ECHDC1: variants seen among roughly 807,000 people sequenced by gnomAD.
The protein encoded by ECHDC1 is ethylmalonyl-CoA decarboxylase.
A neutral mutation model predicts 29.7 loss-of-function variants in ECHDC1; 29 were observed. The ratio of observed to expected loss-of-function variants is 0.98; its 90% CI spans 0.73 to 1.33. The LOEUF is 1.33. Ranked by LOEUF, ECHDC1 falls within the 40% of genes most tolerant of loss-of-function variation. The pLI, the probability that ECHDC1 is intolerant of heterozygous loss-of-function variation, is 0.00. For missense variants in ECHDC1, 328 were observed against 350.0 expected, an observed-to-expected ratio of 0.94 and a Z score of 0.50; for synonymous variants, 126 against 123.1, an observed-to-expected ratio of 1.02 and a Z score of -0.15.
chr6:127,314,445 G>A (rs1319608214), intron 5 of ECHDC1, among the ~76,000 whole-genome samples: 3 of 152,200 alleles, frequency 2.0e-5, no homozygotes. Context: ...AGCTACAGCA[G>A]TCTCTCTTTC....
chr6:127,303,373 C>T (rs914742253), intron 5 of ECHDC1, among the ~76,000 whole-genome samples: 11 of 152,158 alleles, frequency 7.2e-5, no homozygotes, highest in African/African-American at 2.7e-4. Context: ...ATTCAAAGTG[C>T]TAATCCAGTG....
intron 1 of ECHDC1, among the ~76,000 whole-genome samples, chr6:127,340,826 C>T (rs1784875966): frequency 6.6e-6 from 1 of 151,408 alleles, no homozygotes; most frequent in Non-Finnish European, 1.5e-5. Flanking sequence ...GGAGGAGGGA[C>T]TTATAAAAGC....
chr6:127,314,434 C>G (rs1020296725), intron 5 of ECHDC1, among the ~76,000 whole-genome samples: 4 of 152,068 alleles, frequency 2.6e-5, no homozygotes, highest in African/African-American at 9.7e-5. Flanking sequence ...GGTGAGAAGA[C>G]AGCTACAGCA....
chr6:127,337,506 T>C (rs952278960), intron 1 of ECHDC1, among the ~76,000 whole-genome samples: 1 of 152,200 alleles, frequency 6.6e-6, no homozygotes, highest in Non-Finnish European at 1.5e-5. Flanking sequence ...CTTTAAGTTG[T>C]CCCTCCTTTC....
intron 3 of ECHDC1, among the ~76,000 whole-genome samples, chr6:127,321,098 A>G (rs1396332833): frequency 1.3e-5 from 2 of 152,200 alleles, no homozygotes; most frequent in Admixed American, 6.5e-5. Flanking sequence ...ATGATAAAAA[A>G]GCCACTTAAT....
intron 3 of ECHDC1, among the ~76,000 whole-genome samples, chr6:127,323,561 C>G (rs1019659761): frequency 6.6e-6 from 1 of 152,088 alleles, no homozygotes; most frequent in Non-Finnish European, 1.5e-5. Flanking sequence ...CTATACTCCT[C>G]ATTTATAGAC....
rs555859029 is a variant in ECHDC1 at position 127,306,860 on chromosome 6, G to C, written c.497+7956C>G. Among the ~76,000 whole-genome samples the C allele has an allele frequency of 5.9e-5, 9 of 152,292 alleles. No homozygotes were observed. In the South Asian group the frequency reaches 1.9e-3, roughly 32 times the overall value. On this transcript the variant is annotated intron_variant, in intron 5 of 5. Coordinates refer to ENST00000454859, the MANE Select transcript of ECHDC1 (RefSeq NM_001002030.2). ...GATATTCATGCAATATTTCCTCCAAGAGCTGGAGAATACACATTCTTTTCC... is the reference window on the plus strand; with the variant it reads ...GATATTCATGCAATATTTCCTCCAACAGCTGGAGAATACACATTCTTTTCC...
intron 1 of ECHDC1, chr6:127,331,910 TTC>T: frequency 1.0e-6 from 1 of 982,294 alleles, no homozygotes; most frequent in Non-Finnish European, 1.2e-6. Flanking sequence ...TGTGTGGTTT[TTC>T]TGTTCCCCAA....
chr6:127,291,590 T>A (rs1339356564), intron 5 of ECHDC1, among the ~76,000 whole-genome samples: 1 of 152,302 alleles, frequency 6.6e-6, no homozygotes, highest in East Asian at 1.9e-4. Flanking sequence ...TTAGCTTTAC[T>A]AAATAAACGC....
intron 3 of ECHDC1, 43 bp downstream of exon 3, chr6:127,326,959 A>C: frequency 6.3e-7 from 1 of 1,585,184 alleles, no homozygotes; most frequent in Non-Finnish European, 8.6e-7. Context: ...ATACATGTCT[A>C]ATAAACATGT....
chr6:127,296,311 A>G (rs1172448223), intron 5 of ECHDC1, among the ~76,000 whole-genome samples: 2 of 152,078 alleles, frequency 1.3e-5, no homozygotes, highest in African/African-American at 4.8e-5. Context: ...CTCCTGCCTC[A>G]GCCTCCAGAG....
chr6:127,302,733 G>A (rs749256357), intron 5 of ECHDC1, among the ~76,000 whole-genome samples: 66 of 152,048 alleles, frequency 4.3e-4, no homozygotes, highest in African/African-American at 1.5e-3. Context: ...TTAGATGTAC[G>A]TTTTATATTT....
chr6:127,319,032 A>G (rs1782625209), intron 3 of ECHDC1, among the ~76,000 whole-genome samples: 1 of 152,262 alleles, frequency 6.6e-6, no homozygotes, highest in African/African-American at 2.4e-5. Flanking sequence ...TGCTCTTGCT[A>G]CATTTAGATT....
intron 4 of ECHDC1, chr6:127,315,183 C>G (rs1268496075): frequency 5.5e-6 from 3 of 547,602 alleles, no homozygotes; most frequent in Non-Finnish European, 1.0e-5. Context: ...TTGTAACTTA[C>G]TCCCAAATAA....
intron 1 of ECHDC1, among the ~76,000 whole-genome samples, chr6:127,339,943 C>A (rs1459541339): frequency 6.6e-6 from 1 of 152,114 alleles, no homozygotes; most frequent in Non-Finnish European, 1.5e-5. Context: ...AGAGCCACAC[C>A]TTCTCCATCA....
At chr6:127,295,328 G>T (rs1007539719) in intron 5 of ECHDC1, among the ~76,000 whole-genome samples, 2 of 152,092 alleles carry the variant, frequency 1.3e-5, no homozygotes, top group Non-Finnish European at 2.9e-5. Context: ...TTGGCTGAGG[G>T]TTATTTATAT....
rs368414899 is a variant in ECHDC1, at chr6:127,307,362, G to A, written c.497+7454C>T. Among the ~76,000 whole-genome samples the A allele has an allele frequency of 7.9e-5, 12 of 152,188 alleles. No homozygotes were observed. In the East Asian group the frequency reaches 1.7e-3, roughly 22 times the overall value. ...TAAAAAAATATTGACTGGGCATGGT[G>A]GCTCACGCCTGTAATCCCAACACTT... On this transcript the variant is annotated intron_variant, in intron 5 of 5. Transcript: ENST00000454859.
At chr6:127,299,299 A>C (rs147890531) in intron 5 of ECHDC1, among the ~76,000 whole-genome samples, 3 of 152,118 alleles carry the variant, frequency 2.0e-5, no homozygotes, top group Non-Finnish European at 4.4e-5. Flanking sequence ...TCACAGCTCC[A>C]TGCATGTTAC....
At chr6:127,316,421 A>G in intron 4 of ECHDC1, 29 bp downstream of exon 4, 1 of 1,579,538 alleles carries the variant, frequency 6.3e-7, no homozygotes, top group Non-Finnish European at 8.6e-7. Context: ...TCTTTTAGAA[A>G]TCATATTTTA....
Sources: allele counts gnomAD v4.1 joint callset (sites outside exome capture counted in the v4.1 genomes callset), GRCh38; gene constraint gnomAD v4.1.1; transcripts MANE v1.5; gene names NCBI Gene and HGNC (gene_info 2026-07-23, HGNC 2026-07-21).